Variants in C8B observed in about 807,000 individuals in gnomAD.
C8B encodes the protein complement component C8 beta chain.
A neutral mutation model predicts 64.6 loss-of-function variants in C8B; 67 were observed. The observed-to-expected ratio is 1.04, with a 90% CI of 0.85 to 1.27. The LOEUF is 1.27. Among genes scored for constraint, C8B ranks in the 50% most tolerant of loss-of-function variants. The pLI is 0.00. For synonymous variants in C8B, 284 were observed against 257.7 expected, an observed-to-expected ratio of 1.10 and a Z score of -0.98; for missense variants, 790 against 725.2, an observed-to-expected ratio of 1.09 and a Z score of -1.03.
chr1:56,960,559 C>T (rs1222128398), intron 1 of C8B, among the ~76,000 whole-genome samples: 1 of 152,214 alleles, frequency 6.6e-6, no homozygotes, highest in Admixed American at 6.5e-5. Context: ...ATGGCTGGAG[C>T]TGTGCAGGCC....
rs772645354 is a variant in C8B at position 56,945,885 on chromosome 1, C to T, written c.1041G>A (p.Glu347=). 2.5e-6 allele frequency: 4 copies of T among 1,614,144 alleles called. No homozygotes were observed. The highest frequency in any genetic ancestry group is 1.7e-4 in the Middle Eastern group (1 of 6,060). The change falls in exon 7 of 12, where the codon GAG becomes GAA. Residue 347 remains glutamate, a synonymous_variant. Coordinates refer to ENST00000371237, the MANE Select transcript of C8B (RefSeq NM_000066.4). ...ATTCATAAATGCCCCCAAGCACAGC[C>T]TCTGTGATGTAGTGGGTCCCAAAAT... ...FRDFGTHYIT[E]AVLGGIYEYT...
chr1:56,965,589 G>T (rs190705415), intron 1 of C8B, among the ~76,000 whole-genome samples: 26 of 152,174 alleles, frequency 1.7e-4, no homozygotes, highest in Admixed American at 1.5e-3. Flanking sequence ...GCTTTGTTCA[G>T]AATACAGAAA....
intron 1 of C8B, among the ~76,000 whole-genome samples, chr1:56,962,575 T>A (rs756736597): frequency 6.6e-6 from 1 of 152,202 alleles, no homozygotes; most frequent in Non-Finnish European, 1.5e-5. Context: ...GCTTTTAACA[T>A]TGAAAAATTA....
intron 4 of C8B, 99 bp downstream of exon 4, chr1:56,954,587 G>A (rs1645074470): frequency 6.7e-7 from 1 of 1,484,538 alleles, no homozygotes; most frequent in Admixed American, 1.7e-5. Context: ...AAAGGTGAGT[G>A]AGGACCTCTG....
rs754974981 is a variant in C8B at position 56,954,717 on chromosome 1, G to T, written c.502C>A (p.Gln168Lys). 2 of 1,614,050 alleles carry T rather than the reference G, an allele frequency of 1.2e-6. No individual in the cohort carries two copies. Among genetic ancestry groups the T allele is most frequent in the South Asian group, 1.1e-5 (1 of 91,078 alleles). Residue 168 changes from glutamine to lysine, a missense_variant, in exon 4 of 12, where the codon CAA (glutamine) becomes AAA (lysine). Coordinates refer to ENST00000371237, the MANE Select transcript of C8B (RefSeq NM_000066.4). ...GCCAGACTGCCAATTCCCCAGTATT[G>T]GTCCATTTCATGCTGACATTTTTTA... ...IYKKCQHEMD[Q>K]YWGIGSLASG...
At chr1:56,941,101 C>T in intron 8 of C8B, 89 bp from the exon 9 acceptor site, 1 of 1,403,450 alleles carries the variant, frequency 7.1e-7, no homozygotes, top group South Asian at 1.2e-5. Context: ...TTGGGTACAC[C>T]ATATTCACTG....
chr1:56,956,005 T>C (rs1645097469), intron 3 of C8B, among the ~76,000 whole-genome samples: 1 of 152,240 alleles, frequency 6.6e-6, no homozygotes, highest in Non-Finnish European at 1.5e-5. Context: ...CCTTTCTTCC[T>C]ACCTTCCTTC....
At chr1:56,929,608 G>A in intron 11 of C8B, 50 bp from the exon 12 acceptor site, 1 of 1,582,390 alleles carries the variant, frequency 6.3e-7, no homozygotes, top group East Asian at 2.2e-5. Context: ...TTATATTCTG[G>A]TGCCTTACTG....
intron 5 of C8B, among the ~76,000 whole-genome samples, chr1:56,951,175 T>A (rs531539319): frequency 6.6e-6 from 1 of 152,210 alleles, no homozygotes; most frequent in African/African-American, 2.4e-5. Context: ...CCTCCTGGGC[T>A]CAAGTGATCC....
intron 1 of C8B, 65 bp downstream of exon 1, chr1:56,965,792 C>T (rs998724183): frequency 4.5e-6 from 7 of 1,559,576 alleles, no homozygotes; most frequent in Admixed American, 3.3e-5. Flanking sequence ...AGATGGTCAG[C>T]ATCATGTGGC....
intron 1 of C8B, among the ~76,000 whole-genome samples, chr1:56,964,780 G>A (rs1645228730): frequency 6.6e-6 from 1 of 152,150 alleles, no homozygotes; most frequent in Admixed American, 6.5e-5. Context: ...TCCACCCAGG[G>A]GCACAATGCT....
chr1:56,947,485 T>C (rs1644958610), intron 6 of C8B, among the ~76,000 whole-genome samples: 1 of 152,200 alleles, frequency 6.6e-6, no homozygotes, highest in African/African-American at 2.4e-5. Context: ...ATATACCTAC[T>C]TACCTTTTAA....
chr1:56,931,242 T>C (rs1247400919), intron 11 of C8B, among the ~76,000 whole-genome samples: 6 of 152,208 alleles, frequency 3.9e-5, no homozygotes, highest in Non-Finnish European at 5.9e-5. Flanking sequence ...GCCAAGTCTT[T>C]CATTTGTTAA....
In C8B at chr1:56,946,068, GA is replaced by G; in HGVS notation, c.865-8del. 6.2e-7 allele frequency: 1 copy of G among 1,613,980 alleles called. No individual in the cohort carries two copies. Among genetic ancestry groups the G allele is most frequent in the Non-Finnish European group, 8.5e-7 (1 of 1,179,984 alleles). On this transcript the variant is annotated splice_region_variant and splice_polypyrimidine_tract_variant and intron_variant, in intron 6 of 11. Transcript: ENST00000371237. ...CATGCAGAAATACGCTTTTCTAAAT[GA>G]AATACCAACATGGGAAAACCAGACC...
At chr1:56,950,502 G>A (rs887747910) in intron 5 of C8B, among the ~76,000 whole-genome samples, 2 of 152,200 alleles carry the variant, frequency 1.3e-5, no homozygotes, top group Admixed American at 1.3e-4. Context: ...GGGGGCCCTG[G>A]AGTGACCAGT....
chr1:56,953,873 T>A (rs1028490838), intron 4 of C8B, among the ~76,000 whole-genome samples: 1 of 152,168 alleles, frequency 6.6e-6, no homozygotes, highest in Admixed American at 6.5e-5. Flanking sequence ...TCAGTTTCCT[T>A]ATCTGCAAGG....
intron 4 of C8B, among the ~76,000 whole-genome samples, chr1:56,954,113 A>G (rs1196746303): frequency 6.6e-6 from 1 of 152,098 alleles, no homozygotes; most frequent in Admixed American, 6.5e-5. Flanking sequence ...GATGCAAAAT[A>G]TGGCAGGAAA....
At chr1:56,948,525 G>A (rs1192913752) in intron 6 of C8B, among the ~76,000 whole-genome samples, 2 of 152,202 alleles carry the variant, frequency 1.3e-5, no homozygotes, top group African/African-American at 2.4e-5. Context: ...GCTCAGAAGA[G>A]TGGATAGGGA....
chr1:56,938,392 A>C (rs1421171832), intron 9 of C8B, among the ~76,000 whole-genome samples: 1 of 152,190 alleles, frequency 6.6e-6, no homozygotes, highest in African/African-American at 2.4e-5. Context: ...TTGCCTTTTC[A>C]TCTGATTAGT....
Sources: gnomAD v4.1 joint callset for allele counts (sites outside exome capture counted in the v4.1 genomes callset) on GRCh38, gnomAD v4.1.1 for gene constraint, MANE v1.5 for transcripts, NCBI Gene and HGNC (gene_info 2026-07-23, HGNC 2026-07-21) for gene names.